Variants in DERA observed in about 807,000 individuals in gnomAD.
DERA encodes 2-deoxy-D-ribose 5-phosphate aldolase.
Under a neutral mutation model 41.1 loss-of-function variants are expected in DERA, and 15 were observed. That is an observed-to-expected ratio of 0.37 (90% CI 0.24 to 0.56). The LOEUF is 0.56. Among genes scored for constraint, DERA ranks in the 20% least tolerant of loss-of-function variants. DERA has a pLI of 0.81. For missense variants in DERA, 396 were observed against 403.4 expected (o/e 0.98, Z 0.16); for synonymous variants, 139 against 137.4 (o/e 1.01, Z -0.08).
rs796637215 is a variant in DERA at position 15,987,225 on chromosome 12, A to G, written c.637+4789A>G. Among the ~76,000 whole-genome samples the G allele has an allele frequency of 3.5e-4, 43 of 122,914 alleles. 1 individual carries two copies. The highest frequency in any genetic ancestry group is 1.2e-3 in the African/African-American group (39 of 32,710). 80.6% of individuals were successfully genotyped at this position (122,914 alleles called of 152,430 possible). On this transcript the variant is annotated intron_variant, in intron 6 of 8. Coordinates refer to ENST00000428559, the MANE Select transcript of DERA (RefSeq NM_015954.4). ...TTAGGACGTTTTCAAAACCATATAT[A>G]TGTACTTTTTTTTTTTTTTTTTTTT... is the stretch of plus-strand genomic sequence containing the variant.
At position 16,014,388 on chromosome 12, in the gene DERA, C is replaced by T. The variant is rs1337126788; in HGVS notation, c.638-18154C>T. Among the ~76,000 whole-genome samples, 1 of 152,166 alleles carries T rather than the reference C, an allele frequency of 6.6e-6. No homozygotes were observed. Among genetic ancestry groups the T allele is most frequent in the Admixed American group, 6.5e-5 (1 of 15,290 alleles). The stretch of plus-strand genomic sequence containing the variant: ...TTTGTATAGTCTCAGGACTTGGTGC[C>T]CTGCATCCCGGCCGTGGCTAAAAGA... On this transcript the variant is annotated intron_variant, in intron 6 of 8. Coordinates refer to ENST00000428559, the MANE Select transcript of DERA (RefSeq NM_015954.4). This position sits in a 1 kb window ranked among gnomAD's most constrained non-coding sequence, Gnocchi z 5.4.
intron 6 of DERA, among the ~76,000 whole-genome samples, chr12:15,997,398 A>C (rs1948845723): frequency 6.6e-6 from 1 of 152,120 alleles, no homozygotes; most frequent in Non-Finnish European, 1.5e-5. Flanking sequence ...ATTTGGAAAG[A>C]TATGTTAACA....
rs1403049190 is a variant in DERA at position 16,009,575 on chromosome 12, T to TTA, written c.638-22966_638-22965insAT. ...TCTCTAACCCAGTTTCCCAAATGCCTTTTTACTTTGTAGGTTATCATTGTG... is the reference window on the plus strand; with the variant it reads ...TCTCTAACCCAGTTTCCCAAATGCCTTATTTTACTTTGTAGGTTATCATTGTG... On this transcript the variant is annotated intron_variant, in intron 6 of 8. Coordinates refer to ENST00000428559, the MANE Select transcript of DERA (RefSeq NM_015954.4). The surrounding 1 kb of genome is among the most constrained non-coding windows in gnomAD (Gnocchi z 5.3). Among the ~76,000 whole-genome samples, 4 of 152,194 alleles carry TTA rather than the reference T, an allele frequency of 2.6e-5. No individual in the cohort carries two copies. The highest frequency in any genetic ancestry group is 9.7e-5 in the African/African-American group (4 of 41,448).
In DERA at chr12:16,019,069, T is replaced by G. The variant is rs1478603346; in HGVS notation, c.638-13473T>G. ...TCTGAAGAGAGTCTGTAGTGCTGTG[T>G]GGTGTTGGTAATTCAAAATGTAGCA... On this transcript the variant is annotated intron_variant, in intron 6 of 8. Transcript: ENST00000428559. The surrounding 1 kb of genome is among the most constrained non-coding windows in gnomAD (Gnocchi z 4.4). 6.6e-6 allele frequency among the ~76,000 whole-genome samples: 1 copy of G among 152,180 alleles called. No individual in the cohort carries two copies. The highest frequency in any genetic ancestry group is 2.4e-5 in the African/African-American group (1 of 41,444).
rs763373988 is a variant in DERA at position 16,019,925 on chromosome 12, A to G, written c.638-12617A>G. Among the ~76,000 whole-genome samples the G allele has an allele frequency of 6.6e-6, 1 of 152,146 alleles. No individual in the cohort carries two copies. Among genetic ancestry groups the G allele is most frequent in the Non-Finnish European group, 1.5e-5 (1 of 68,020 alleles). On this transcript the variant is annotated intron_variant, in intron 6 of 8. Coordinates refer to ENST00000428559, the MANE Select transcript of DERA (RefSeq NM_015954.4). The surrounding 1 kb of genome is among the most constrained non-coding windows in gnomAD (Gnocchi z 4.4). ...TAGATCCTTCATGAATGGCTTTAGC[A>G]CCATCCCTTTTGGTGATGAGTGATT...
intron 6 of DERA, among the ~76,000 whole-genome samples, chr12:16,015,877 C>G (rs1948978192): frequency 6.6e-6 from 1 of 152,174 alleles, no homozygotes. Context: ...GTTACTTTTA[C>G]TAGGCAATTT....
intron 1 of DERA, among the ~76,000 whole-genome samples, chr12:15,946,872 A>C (rs1241939049): frequency 6.6e-6 from 1 of 152,140 alleles, no homozygotes; most frequent in Non-Finnish European, 1.5e-5. Context: ...TAGTGCTATA[A>C]ATTTCACTCT....
chr12:15,964,605 A>C (rs965109747), intron 5 of DERA, among the ~76,000 whole-genome samples: 1 of 152,250 alleles, frequency 6.6e-6, no homozygotes, highest in Non-Finnish European at 1.5e-5. Flanking sequence ...ATTTAAGGCT[A>C]GAGTAAAATG....
Position 15,954,786 on chromosome 12 carries a change from A to T in DERA, c.32-2150A>T, listed in dbSNP as rs1169963415. Among the ~76,000 whole-genome samples the T allele has an allele frequency of 6.6e-6, 1 of 152,136 alleles. No individual in the cohort carries two copies. Among genetic ancestry groups the T allele is most frequent in the African/African-American group, 2.4e-5 (1 of 41,444 alleles). ...GGTAGTGGTGCGTTGGGAGTAGAGA[A>T]TGGGAAGGACTTCAGGGGTGTCCTG... On this transcript the variant is annotated intron_variant, in intron 1 of 8. Transcript: ENST00000428559. The surrounding 1 kb of genome is among the most constrained non-coding windows in gnomAD (Gnocchi z 4.0).
At chr12:16,007,378 T>G (rs1183134967) in intron 6 of DERA, among the ~76,000 whole-genome samples, 1 of 152,166 alleles carries the variant, frequency 6.6e-6, no homozygotes, top group Non-Finnish European at 1.5e-5. Context: ...GAAATGGTGT[T>G]TCACCATGTT....
chr12:15,921,150 T>G lies in DERA; in HGVS notation c.31+9736T>G, dbSNP rs1591998510. Among the ~76,000 whole-genome samples, 1 of 152,212 alleles carries G rather than the reference T, an allele frequency of 6.6e-6. No homozygotes were observed. The highest frequency in any genetic ancestry group is 2.4e-5 in the African/African-American group (1 of 41,456). On this transcript the variant is annotated intron_variant, in intron 1 of 8. Coordinates refer to ENST00000428559, the MANE Select transcript of DERA (RefSeq NM_015954.4). This position sits in a 1 kb window ranked among gnomAD's most constrained non-coding sequence, Gnocchi z 5.3. ...AATAAGCCTTTTTATTTGATTGAGA[T>G]AAGTGAAGAAATGTGTTAAAGTGAA...
chr12:15,931,205 T>C lies in DERA; in HGVS notation c.31+19791T>C, dbSNP rs889258511. Among the ~76,000 whole-genome samples the C allele has an allele frequency of 6.6e-6, 1 of 152,216 alleles. No individual in the cohort carries two copies. Among genetic ancestry groups the C allele is most frequent in the Non-Finnish European group, 1.5e-5 (1 of 68,028 alleles). On this transcript the variant is annotated intron_variant, in intron 1 of 8. Transcript: ENST00000428559. This position sits in a 1 kb window ranked among gnomAD's most constrained non-coding sequence, Gnocchi z 4.6. Reference sequence around the variant, plus strand: ...TGACTAGCACAACATCCAGCATAAATAGCAGCTTTAGGAATAACATTTTCA... The same window carrying C: ...TGACTAGCACAACATCCAGCATAAACAGCAGCTTTAGGAATAACATTTTCA...
chr12:15,974,129 C>CTG (rs1479479939), intron 5 of DERA, among the ~76,000 whole-genome samples: 1 of 151,952 alleles, frequency 6.6e-6, no homozygotes, highest in East Asian at 1.9e-4. Context: ...AGTTGCAGAC[C>CTG]TGTTCACCTG....
chr12:15,991,732 C>A (rs2136167951), intron 6 of DERA, among the ~76,000 whole-genome samples: 1 of 152,230 alleles, frequency 6.6e-6, no homozygotes, highest in South Asian at 2.1e-4. Flanking sequence ...TACATTTAAT[C>A]TTCACAGCAA....
intron 5 of DERA, among the ~76,000 whole-genome samples, chr12:15,979,747 G>T (rs566271251): frequency 2.6e-5 from 4 of 152,354 alleles, no homozygotes; most frequent in Non-Finnish European, 1.5e-5. Flanking sequence ...GTGACCACTT[G>T]CAGTTCATTC....
intron 1 of DERA, among the ~76,000 whole-genome samples, chr12:15,929,707 G>T (rs1948313754): frequency 6.6e-6 from 1 of 152,136 alleles, no homozygotes; most frequent in Non-Finnish European, 1.5e-5. Context: ...GCAAGTCAAA[G>T]GTAGTGCAAA....
At chr12:15,975,744 G>A (rs1158104676) in intron 5 of DERA, among the ~76,000 whole-genome samples, 2 of 152,184 alleles carry the variant, frequency 1.3e-5, no homozygotes, top group Non-Finnish European at 2.9e-5. Flanking sequence ...AGGCAGTTTC[G>A]GGACCTGCTT....
At chr12:15,914,733 A>G (rs1233888774) in intron 1 of DERA, among the ~76,000 whole-genome samples, 1 of 152,192 alleles carries the variant, frequency 6.6e-6, no homozygotes, top group East Asian at 1.9e-4. Context: ...TCTTCTGTTC[A>G]AAAAGCAACA....
chr12:16,023,140 G>A (rs570258452), intron 6 of DERA, among the ~76,000 whole-genome samples: 3 of 152,248 alleles, frequency 2.0e-5, no homozygotes, highest in African/African-American at 4.8e-5. Context: ...TTAATACTAA[G>A]GCTATAGAAT....
Sources: allele counts gnomAD v4.1 joint callset (sites outside exome capture counted in the v4.1 genomes callset), GRCh38; gene constraint gnomAD v4.1.1; non-coding constraint Gnocchi (gnomAD v3.1); transcripts MANE v1.5; gene names NCBI Gene and HGNC (gene_info 2026-07-23, HGNC 2026-07-21).